The following TUBD1 variants were observed in gnomAD, a reference collection of about 807,000 sequenced individuals.
TUBD1 encodes tubulin delta 1, also known as tubulin delta chain.
TUBD1 carries 38 observed loss-of-function variants against 51.2 expected under a neutral mutation model. The ratio of observed to expected loss-of-function variants is 0.74; its 90% CI spans 0.57 to 0.97. The LOEUF (loss-of-function observed/expected upper bound fraction) is 0.97. Among genes scored for constraint, TUBD1 ranks in the 50% least tolerant of loss-of-function variants. The pLI is 0.00. For missense variants in TUBD1, 489 were observed against 538.4 expected, an observed-to-expected ratio of 0.91 and a Z score of 0.91; for synonymous variants, 169 against 178.2, an observed-to-expected ratio of 0.95 and a Z score of 0.41.
intron 4 of TUBD1, among the ~76,000 whole-genome samples, chr17:59,879,336 C>T (rs902046237): frequency 6.6e-6 from 1 of 151,452 alleles, no homozygotes; most frequent in Non-Finnish European, 1.5e-5. Flanking sequence ...TTGAGGGTGG[C>T]AATGGCACCA....
At chr17:59,888,058 C>T in intron 2 of TUBD1, among the ~76,000 whole-genome samples, 1 of 152,074 alleles carries the variant, frequency 6.6e-6, no homozygotes, top group Non-Finnish European at 1.5e-5. Flanking sequence ...CCTCAGCATC[C>T]CAAGTAGCTG....
chr17:59,882,437 C>T (rs1225052267), intron 3 of TUBD1, among the ~76,000 whole-genome samples: 1 of 151,856 alleles, frequency 6.6e-6, no homozygotes, highest in Non-Finnish European at 1.5e-5. Flanking sequence ...AAGGTGCGCG[C>T]CACCACACCC....
intron 6 of TUBD1, among the ~76,000 whole-genome samples, chr17:59,868,108 CAAAAAAAAAAAA>C (rs35401242): frequency 7.5e-5 from 2 of 26,802 alleles, no homozygotes; most frequent in East Asian, 1.5e-3. Flanking sequence ...ACTAAAAATA[CAAAAAAAAAAAA>C]AAAAAAAAAA....
chr17:59,870,118 T>TG (rs767909367), intron 6 of TUBD1, among the ~76,000 whole-genome samples: 2 of 151,966 alleles, frequency 1.3e-5, no homozygotes, highest in East Asian at 1.9e-4. Flanking sequence ...CCCAGCACTT[T>TG]GGGAATTTGA....
chr17:59,881,610 T>C (rs889252954), intron 3 of TUBD1, among the ~76,000 whole-genome samples: 1 of 152,192 alleles, frequency 6.6e-6, no homozygotes, highest in Non-Finnish European at 1.5e-5. Flanking sequence ...TCAGGGTAAA[T>C]GGGATATCTA....
In TUBD1 at chr17:59,890,773, T is replaced by C. The variant is rs544205825; in HGVS notation, c.172+58A>G. The stretch of plus-strand genomic sequence containing the variant: ...GGGTTTAAAAACCATGTGGAAGGCC[T>C]GGCTTTGAAGGGGTTGGTTAGATCA... On this transcript the variant is annotated intron_variant, in intron 2 of 8. Coordinates refer to ENST00000325752, the MANE Select transcript of TUBD1 (RefSeq NM_016261.4). 861 of 1,413,566 alleles carry C rather than the reference T, an allele frequency of 6.1e-4. 3 individuals are homozygous for C. Among genetic ancestry groups the C allele is most frequent in the Middle Eastern group, 2.8e-3 (15 of 5,264 alleles). The allele number at this position is 1,413,566 out of a possible 1,614,324, so 87.6% of individuals were successfully genotyped here.
Position 59,883,028 on chromosome 17 carries a change from G to A in TUBD1, c.321-1918C>T, listed in dbSNP as rs9899020. Among the ~76,000 whole-genome samples, 1,168 of 151,638 alleles carry A rather than the reference G, an allele frequency of 7.7e-3. 12 individuals are homozygous for A. Among genetic ancestry groups the A allele is most frequent in the African/African-American group, 0.027 (1,109 of 41,340 alleles). ...TCAAAGTCCTGACCTCAAGTAATCCGCCCTCCTTGGCCTCCCAAACTGCTG... is the reference window on the plus strand; with the variant it reads ...TCAAAGTCCTGACCTCAAGTAATCCACCCTCCTTGGCCTCCCAAACTGCTG... On this transcript the variant is annotated intron_variant, in intron 3 of 8. Transcript: ENST00000325752.
chr17:59,887,712 C>CA (rs1326720966), intron 2 of TUBD1, among the ~76,000 whole-genome samples: 1 of 152,204 alleles, frequency 6.6e-6, no homozygotes, highest in African/African-American at 2.4e-5. Flanking sequence ...ACTGCAGCCT[C>CA]AAACTCTTGA....
chr17:59,891,522 T>C (rs192108476), intron 1 of TUBD1, among the ~76,000 whole-genome samples: 1 of 152,270 alleles, frequency 6.6e-6, no homozygotes, highest in East Asian at 1.9e-4. Context: ...TTCAAGGAAG[T>C]TCTCATACTC....
chr17:59,863,624 A>T, intron 8 of TUBD1, 40 bp downstream of exon 8: 1 of 1,446,182 alleles, frequency 6.9e-7, no homozygotes, highest in Non-Finnish European at 9.1e-7. Context: ...CTCAAAAAAA[A>T]AAAAAAAAAG....
In TUBD1 at chr17:59,866,690, G is replaced by C. The variant is rs780545412; in HGVS notation, c.994C>G (p.Leu332Val). 2 of 1,614,078 alleles carry C rather than the reference G, an allele frequency of 1.2e-6. No homozygotes were observed. Among genetic ancestry groups the C allele is most frequent in the South Asian group, 2.2e-5 (2 of 91,092 alleles). ...GTGTTAAAATGCAGGTCCTTGTTGA[G>C]AGACATTTTACTAAGAGGAGGAAGT... is the stretch of plus-strand genomic sequence containing the variant. The part of the protein sequence containing the change: ...SGLPPLSKMS[L>V]NKDLHFNTSI... The change falls in exon 7 of 9, where the codon CTC becomes GTC. Residue 332 changes from leucine to valine, a missense_variant. By Grantham distance (32) the Leu-to-Val change is conservative. Coordinates refer to ENST00000325752, the MANE Select transcript of TUBD1 (RefSeq NM_016261.4).
At chr17:59,881,212 A>G (rs1228287162) in intron 3 of TUBD1, 102 bp from the exon 4 acceptor site, 5 of 972,050 alleles carry the variant, frequency 5.1e-6, no homozygotes, top group Non-Finnish European at 7.8e-6. Context: ...TTTCAAAACT[A>G]CGGAAGTGAA....
At chr17:59,868,732 G>A (rs2039835817) in intron 6 of TUBD1, among the ~76,000 whole-genome samples, 1 of 152,004 alleles carries the variant, frequency 6.6e-6, no homozygotes, top group Non-Finnish European at 1.5e-5. Context: ...AGCTACTCAG[G>A]AGGCTGAGGC....
chr17:59,885,050 G>A (rs868275236), intron 3 of TUBD1: 7 of 344,282 alleles, frequency 2.0e-5, no homozygotes, highest in Middle Eastern at 3.9e-4. Context: ...TGGGAGTCCA[G>A]TGGATGCAAA....
chr17:59,878,659 T>C (rs568903590), intron 4 of TUBD1: 9 of 237,036 alleles, frequency 3.8e-5, no homozygotes, highest in Non-Finnish European at 7.6e-5. Flanking sequence ...TTTGTGTTTT[T>C]AGTAGAGACA....
chr17:59,863,926 G>C (rs1436254096), intron 7 of TUBD1, 79 bp from the exon 8 acceptor site: 3 of 1,193,008 alleles, frequency 2.5e-6, no homozygotes, highest in Non-Finnish European at 3.3e-6. Flanking sequence ...ATATTTTCTT[G>C]TCTATTTCAT....
At chr17:59,886,338 AT>A in intron 2 of TUBD1, 108 bp from the exon 3 acceptor site, 1 of 1,098,018 alleles carries the variant, frequency 9.1e-7, no homozygotes. Context: ...AAAAAAAAAA[AT>A]TCCAGGGGTT....
At chr17:59,880,239 AG>A (rs1262165379) in intron 4 of TUBD1, among the ~76,000 whole-genome samples, 1 of 151,396 alleles carries the variant, frequency 6.6e-6, no homozygotes, top group African/African-American at 2.4e-5. Flanking sequence ...TTGTATTTTT[AG>A]TAGAAACGGG....
intron 8 of TUBD1, among the ~76,000 whole-genome samples, chr17:59,860,830 A>G (rs1300935677): frequency 6.6e-6 from 1 of 151,534 alleles, no homozygotes; most frequent in Non-Finnish European, 1.5e-5. Context: ...TAGGTGATCC[A>G]CCCGCCTCGG....
Sources: gnomAD v4.1 joint callset for allele counts (sites outside exome capture counted in the v4.1 genomes callset) on GRCh38, gnomAD v4.1.1 for gene constraint, MANE v1.5 for transcripts, NCBI Gene and HGNC (gene_info 2026-07-23, HGNC 2026-07-21) for gene names.